ENPEP: variants seen among roughly 807,000 people sequenced by gnomAD.
ENPEP encodes the protein glutamyl aminopeptidase.
ENPEP carries 103 observed loss-of-function variants against 114.5 expected under a neutral mutation model. That is an observed-to-expected ratio of 0.90 (90% confidence interval 0.77 to 1.06). The LOEUF is 1.06. ENPEP is among the 50% of genes least tolerant of loss of function. ENPEP has a pLI of 0.00. For missense variants in ENPEP, 1,196 were observed against 1,161.3 expected (o/e 1.03, Z -0.43); for synonymous variants, 420 against 422.0 (o/e 1.00, Z 0.06).
rs1049012744 is a variant in ENPEP, at chr4:110,565,047, A to G, written c.*3489A>G. On this transcript the variant is annotated 3_prime_UTR_variant, in exon 20 of 20. Coordinates refer to ENST00000265162, the MANE Select transcript of ENPEP (RefSeq NM_001977.4). Reference sequence around the variant, plus strand: ...CATAATCTAGCCTAATATAAACACCAAACTAATATACTCCTCTACCATAGT... The same window carrying G: ...CATAATCTAGCCTAATATAAACACCGAACTAATATACTCCTCTACCATAGT... The G allele has an allele frequency of 2.0e-5, 3 of 152,182 alleles. No homozygotes were observed. Among genetic ancestry groups the G allele is most frequent in the African/African-American group, 7.2e-5 (3 of 41,438 alleles). 9.4% of individuals were successfully genotyped at this position (152,182 alleles called of 1,614,324 possible). A position where few individuals can be genotyped will look rare whatever the true frequency, so the allele number is the denominator to read the frequency against.
In ENPEP at chr4:110,537,277, C is replaced by G. The variant is rs148195482; in HGVS notation, c.1808-5474C>G. Among the ~76,000 whole-genome samples the G allele has an allele frequency of 2.1e-4, 32 of 152,282 alleles. 1 individual carries two copies. In the East Asian group the frequency reaches 6.0e-3, roughly 28 times the overall value. On this transcript the variant is annotated intron_variant, in intron 11 of 19. Coordinates refer to ENST00000265162, the MANE Select transcript of ENPEP (RefSeq NM_001977.4). ...ATGCTGTTTAATAGAATTTTACCCA[C>G]AGTAGAACTTCTCCAAAACCCTGGT...
chr4:110,525,707 C>T, intron 10 of ENPEP, among the ~76,000 whole-genome samples: 1 of 152,154 alleles, frequency 6.6e-6, no homozygotes, highest in East Asian at 1.9e-4. Context: ...TATGTTCTAG[C>T]AAATTAGGTT....
At position 110,549,457 on chromosome 4, in the gene ENPEP, A is replaced by G. The variant is rs776076825; in HGVS notation, c.2225+38A>G. 7 of 1,612,276 alleles carry G rather than the reference A, an allele frequency of 4.3e-6. No homozygotes were observed. The East Asian group carries it at 1.1e-4, about 26-fold the overall frequency. ...TTTTAACAACTAAAATTCATTTAAC[A>G]TTTGTTTTTTGTTTTAAGACTTGTT... On this transcript the variant is annotated intron_variant, in intron 15 of 19. Coordinates refer to ENST00000265162, the MANE Select transcript of ENPEP (RefSeq NM_001977.4).
rs1328256033 is a variant in ENPEP, at chr4:110,510,429, T to C, written c.1308+71T>C. On this transcript the variant is annotated intron_variant, in intron 6 of 19. Transcript: ENST00000265162. ...AAAGCAGATGGAAGCCTTTGGACTA[T>C]GATAATGGTCCCGAGTCAGATGGCA... is the stretch of plus-strand genomic sequence containing the variant. The C allele has an allele frequency of 5.4e-6, 7 of 1,297,586 alleles. No homozygotes were observed. The East Asian group carries it at 1.2e-4, about 21-fold the overall frequency. 80.4% of individuals were successfully genotyped at this position (1,297,586 alleles called of 1,614,324 possible).
At chr4:110,530,513 G>C (rs537576338) in intron 10 of ENPEP, among the ~76,000 whole-genome samples, 6 of 152,086 alleles carry the variant, frequency 3.9e-5, no homozygotes, top group Admixed American at 6.5e-5. Flanking sequence ...AAAAAAATGA[G>C]ATTTCAAGAC....
chr4:110,540,282 G>A (rs115338119), intron 11 of ENPEP, among the ~76,000 whole-genome samples: 2,015 of 152,146 alleles, frequency 0.013, 45 homozygotes, highest in African/African-American at 0.047. Context: ...GTGCATGTGT[G>A]CATATAGAAG....
At chr4:110,485,130 C>T (rs1724456261) in intron 1 of ENPEP, among the ~76,000 whole-genome samples, 1 of 152,168 alleles carries the variant, frequency 6.6e-6, no homozygotes, top group Non-Finnish European at 1.5e-5. Flanking sequence ...AACTTTCAAA[C>T]TCTGGGAAAG....
intron 1 of ENPEP, among the ~76,000 whole-genome samples, chr4:110,488,291 T>C (rs1724576445): frequency 6.6e-6 from 1 of 152,214 alleles, no homozygotes; most frequent in African/African-American, 2.4e-5. Flanking sequence ...GTAACTGTGG[T>C]TTTTGACAAA....
At chr4:110,546,610 G>A (rs577762940) in intron 13 of ENPEP, among the ~76,000 whole-genome samples, 15 of 151,958 alleles carry the variant, frequency 9.9e-5, no homozygotes, top group African/African-American at 1.9e-4. Context: ...TAATGGCCAC[G>A]TTAGCAAATA....
rs75626276 is a variant in ENPEP at position 110,476,952 on chromosome 4, A to C, written c.538A>C (p.Ser180Arg). ...VVEAEEELTP[S>R]SGDGLYLLTM... ...CGAGGCGGAGGAAGAGCTTACCCCC[A>C]GCAGTGGAGATGGCCTGTATCTCCT... Residue 180 changes from serine to arginine, a missense_variant, in exon 1 of 20, where the codon AGC becomes CGC. Ser to Arg is a moderately radical substitution (Grantham distance 110). Coordinates refer to ENST00000265162, the MANE Select transcript of ENPEP (RefSeq NM_001977.4). The C allele has an allele frequency of 1.6e-4, 252 of 1,614,192 alleles. No homozygotes were observed. Among genetic ancestry groups the C allele is most frequent in the Non-Finnish European group, 2.1e-4 (242 of 1,180,038 alleles).
chr4:110,496,508 C>A (rs67957611), intron 3 of ENPEP, among the ~76,000 whole-genome samples: 28,983 of 152,038 alleles, frequency 0.19, 3,362 homozygotes, highest in African/African-American at 0.32. Flanking sequence ...ATTAACTAAA[C>A]AACAGTCTTT....
chr4:110,548,384 G>A (rs1727161244), intron 14 of ENPEP, 58 bp downstream of exon 14: 1 of 1,366,692 alleles, frequency 7.3e-7, no homozygotes, highest in Non-Finnish European at 9.6e-7. Flanking sequence ...AGTAGAATAG[G>A]ATGCTTTCTG....
At chr4:110,515,899 G>A (rs1331221844) in intron 8 of ENPEP, 10 of 417,560 alleles carry the variant, frequency 2.4e-5, no homozygotes, top group African/African-American at 1.2e-4. Flanking sequence ...AGAGAGAGAG[G>A]GAGAGAGAGA....
In ENPEP at chr4:110,519,993, A is replaced by G. The variant is rs1377144801; in HGVS notation, c.1510-15A>G. On this transcript the variant is annotated splice_polypyrimidine_tract_variant and intron_variant, in intron 8 of 19. Coordinates refer to ENST00000265162, the MANE Select transcript of ENPEP (RefSeq NM_001977.4). Reference sequence around the variant, plus strand: ...AACATTGACTTCTAACATGCTGATTATTTTTTACACACAGATGTACTTGGA... The same window carrying G: ...AACATTGACTTCTAACATGCTGATTGTTTTTTACACACAGATGTACTTGGA... The G allele has an allele frequency of 6.2e-7, 1 of 1,609,670 alleles. No homozygotes were observed. Among genetic ancestry groups the G allele is most frequent in the South Asian group, 1.1e-5 (1 of 90,144 alleles).
At chr4:110,489,826 C>T (rs1428650491) in intron 2 of ENPEP, among the ~76,000 whole-genome samples, 2 of 152,082 alleles carry the variant, frequency 1.3e-5, no homozygotes, top group East Asian at 1.9e-4. Flanking sequence ...TTATGTCTCC[C>T]ATCTTTCTGA....
In ENPEP at chr4:110,476,164, C is replaced by A; in HGVS notation, c.-251C>A. ...CTGTGACAATCTTCTTGCCAGCCCT[C>A]TTCCTCCCACTCGGCTCCTCTTACG... On this transcript the variant is annotated 5_prime_UTR_variant, in exon 1 of 20. Coordinates refer to ENST00000265162, the MANE Select transcript of ENPEP (RefSeq NM_001977.4). 1 of 426,982 alleles carries A rather than the reference C, an allele frequency of 2.3e-6. No individual in the cohort carries two copies. The allele number at this position is 426,982 out of a possible 1,614,324, so 26.4% of individuals were successfully genotyped here.
At chr4:110,551,932 T>C (rs999330597) in intron 17 of ENPEP, among the ~76,000 whole-genome samples, 1 of 152,108 alleles carries the variant, frequency 6.6e-6, no homozygotes, top group African/African-American at 2.4e-5. Context: ...TGGGACAGAG[T>C]CTGCTGAGTT....
At chr4:110,489,845 T>A (rs1450648748) in intron 2 of ENPEP, among the ~76,000 whole-genome samples, 1 of 152,216 alleles carries the variant, frequency 6.6e-6, no homozygotes, top group East Asian at 1.9e-4. Flanking sequence ...GATCCACTAT[T>A]TGAAATATTG....
At position 110,562,881 on chromosome 4, in the gene ENPEP, A is replaced by C. The variant is rs1366633443; in HGVS notation, c.*1323A>C. On this transcript the variant is annotated 3_prime_UTR_variant, in exon 20 of 20. Transcript: ENST00000265162. ...ATCGGCTTGATGAGAATTGAAGCAT[A>C]TGGAAACAAAACCTTAGCTTTAACT... 6.6e-6 allele frequency: 1 copy of C among 152,172 alleles called. No homozygotes were observed. The highest frequency in any genetic ancestry group is 1.5e-5 in the Non-Finnish European group (1 of 67,992). 9.4% of individuals were successfully genotyped at this position (152,172 alleles called of 1,614,324 possible).
Sources: allele counts gnomAD v4.1 joint callset (sites outside exome capture counted in the v4.1 genomes callset), GRCh38; gene constraint gnomAD v4.1.1; transcripts MANE v1.5; gene names NCBI Gene and HGNC (gene_info 2026-07-23, HGNC 2026-07-21).